Variants in CNTN5 observed in about 807,000 individuals in gnomAD.
CNTN5 encodes contactin 5, also known as contactin-5.
Under a neutral mutation model 129.1 loss-of-function variants are expected in CNTN5, and 77 were observed. The observed-to-expected ratio is 0.60, with a 90% CI of 0.50 to 0.72. The LOEUF (loss-of-function observed/expected upper bound fraction) is 0.72, where lower values mean the gene tolerates loss of function less well. Among genes scored for constraint, CNTN5 ranks in the 30% least tolerant of loss-of-function variants. CNTN5 has a pLI of 0.00. For synonymous variants in CNTN5, 509 were observed against 465.6 expected, an observed-to-expected ratio of 1.09 and a Z score of -1.20; for missense variants, 1,478 against 1,328.8, an observed-to-expected ratio of 1.11 and a Z score of -1.75.
chr11:100,239,671 G>A (rs1426711866), intron 16 of CNTN5, among the ~76,000 whole-genome samples: 1 of 152,098 alleles, frequency 6.6e-6, no homozygotes, highest in African/African-American at 2.4e-5. Context: ...AAAATAGTCA[G>A]ATTTTTTAAA....
At chr11:99,652,452 C>G (rs568137972) in intron 3 of CNTN5, among the ~76,000 whole-genome samples, 3 of 152,110 alleles carry the variant, frequency 2.0e-5, no homozygotes, top group East Asian at 3.9e-4. Context: ...CAGAGGTTCT[C>G]CCAACATTTA....
intron 3 of CNTN5, among the ~76,000 whole-genome samples, chr11:99,620,439 T>A (rs926351724): frequency 1.1e-4 from 15 of 141,828 alleles, no homozygotes; most frequent in Non-Finnish European, 2.2e-4. Flanking sequence ...CATTTGACAT[T>A]TCAGTAGTAT....
In CNTN5 at chr11:100,315,023, A is replaced by G. The variant is rs530933593; in HGVS notation, c.2730+6555A>G. Among the ~76,000 whole-genome samples the G allele has an allele frequency of 3.9e-5, 6 of 152,324 alleles. No homozygotes were observed. In the South Asian group the frequency reaches 1.0e-3, roughly 26 times the overall value. ...ACCTTATGAAGTTTGCAGTCTAGCA[A>G]GGGAGACTATTTCTGCTTTCTTGAA... is the stretch of plus-strand genomic sequence containing the variant. On this transcript the variant is annotated intron_variant, in intron 21 of 24. Coordinates refer to ENST00000524871, the MANE Select transcript of CNTN5 (RefSeq NM_014361.4).
intron 1 of CNTN5, among the ~76,000 whole-genome samples, chr11:99,139,236 C>G (rs1460772465): frequency 6.6e-6 from 1 of 152,040 alleles, no homozygotes; most frequent in Non-Finnish European, 1.5e-5. Flanking sequence ...CACTGCACTT[C>G]ACTTCACCCT....
intron 13 of CNTN5, among the ~76,000 whole-genome samples, chr11:100,076,682 T>TA (rs1237234287): frequency 6.6e-6 from 1 of 151,926 alleles, no homozygotes; most frequent in African/African-American, 2.4e-5. Context: ...TTTTTTTTTT[T>TA]AATTTATTCA....
At chr11:99,149,233 G>C (rs943706080) in intron 1 of CNTN5, among the ~76,000 whole-genome samples, 1 of 152,074 alleles carries the variant, frequency 6.6e-6, no homozygotes, top group African/African-American at 2.4e-5. Context: ...TACAAATCTT[G>C]TGTGTCATCA....
At chr11:99,915,630 C>A (rs1949768530) in intron 6 of CNTN5, among the ~76,000 whole-genome samples, 1 of 152,204 alleles carries the variant, frequency 6.6e-6, no homozygotes, top group Admixed American at 6.6e-5. Context: ...TTTTACACAT[C>A]ATTCTTAGCC....
At chr11:99,690,513 C>T (rs1435058273) in intron 3 of CNTN5, among the ~76,000 whole-genome samples, 1 of 152,098 alleles carries the variant, frequency 6.6e-6, no homozygotes, top group Non-Finnish European at 1.5e-5. Flanking sequence ...TGAAGAATGT[C>T]CATGGCAGTT....
chr11:100,354,507 A>T (rs977588600), intron 24 of CNTN5, among the ~76,000 whole-genome samples: 5 of 151,700 alleles, frequency 3.3e-5, no homozygotes, highest in Non-Finnish European at 7.4e-5. Context: ...GAGAACCTAG[A>T]ATTTAAGCTC....
chr11:99,392,624 G>A (rs971000014), intron 2 of CNTN5, among the ~76,000 whole-genome samples: 1 of 151,778 alleles, frequency 6.6e-6, no homozygotes, highest in Non-Finnish European at 1.5e-5. Flanking sequence ...CTCCACTGGT[G>A]ACATTTCAAA....
chr11:99,255,231 A>G (rs1862315338), intron 1 of CNTN5, among the ~76,000 whole-genome samples: 1 of 151,890 alleles, frequency 6.6e-6, no homozygotes, highest in African/African-American at 2.4e-5. Flanking sequence ...TTTGGGGATG[A>G]TTATTTTTAA....
At chr11:100,199,447 A>G (rs1475840684) in intron 15 of CNTN5, among the ~76,000 whole-genome samples, 1 of 151,882 alleles carries the variant, frequency 6.6e-6, no homozygotes, top group African/African-American at 2.4e-5. Context: ...CATATTTGCT[A>G]TATTACTGTT....
intron 10 of CNTN5, among the ~76,000 whole-genome samples, chr11:100,061,725 C>T (rs1419077749): frequency 6.6e-6 from 1 of 152,126 alleles, no homozygotes; most frequent in Admixed American, 6.6e-5. Flanking sequence ...TGGCCAGAAT[C>T]AGAGGTTCCA....
chr11:99,333,502 C>T (rs11600851), intron 2 of CNTN5, among the ~76,000 whole-genome samples: 37,228 of 151,920 alleles, frequency 0.25, 5,146 homozygotes, highest in South Asian at 0.32. Context: ...TTCCTACTAT[C>T]GCTATGCTTC....
At chr11:99,351,577 G>T (rs1366416006) in intron 2 of CNTN5, among the ~76,000 whole-genome samples, 1 of 152,032 alleles carries the variant, frequency 6.6e-6, no homozygotes, top group Non-Finnish European at 1.5e-5. Flanking sequence ...AGTATTTTCA[G>T]AAATAAATGA....
At chr11:99,339,805 C>T (rs574685679) in intron 2 of CNTN5, among the ~76,000 whole-genome samples, 220 of 151,028 alleles carry the variant, frequency 1.5e-3, no homozygotes, top group Non-Finnish European at 2.0e-3. Context: ...AAAAAAAATG[C>T]CCTGAAGCAA....
intron 23 of CNTN5, among the ~76,000 whole-genome samples, chr11:100,342,182 C>G (rs1565440679): frequency 6.6e-6 from 1 of 150,588 alleles, no homozygotes; most frequent in Non-Finnish European, 1.5e-5. Context: ...CACACACACA[C>G]AAGTCCATCA....
chr11:99,745,320 C>T lies in CNTN5; in HGVS notation c.56-74224C>T, dbSNP rs1482553884. Among the ~76,000 whole-genome samples, 9 of 152,216 alleles carry T rather than the reference C, an allele frequency of 5.9e-5. No individual in the cohort carries two copies. In the East Asian group the frequency reaches 1.2e-3, roughly 20 times the overall value. ...TAAACTGACTCTACACTTCTGTAAC[C>T]CTCCCAGAAATATCAGTAAACATTT... is the stretch of plus-strand genomic sequence containing the variant. On this transcript the variant is annotated intron_variant, in intron 3 of 24. Coordinates refer to ENST00000524871, the MANE Select transcript of CNTN5 (RefSeq NM_014361.4).
At chr11:99,765,001 A>G (rs765277971) in intron 3 of CNTN5, among the ~76,000 whole-genome samples, 4 of 151,976 alleles carry the variant, frequency 2.6e-5, no homozygotes, top group Non-Finnish European at 2.9e-5. Flanking sequence ...TGTATCAACA[A>G]TTTTCTCTGA....
Sources: gnomAD v4.1 joint callset for allele counts (sites outside exome capture counted in the v4.1 genomes callset) on GRCh38, gnomAD v4.1.1 for gene constraint, MANE v1.5 for transcripts, NCBI Gene and HGNC (gene_info 2026-07-23, HGNC 2026-07-21) for gene names.